ZDHHC4: variants seen among roughly 807,000 people sequenced by gnomAD.
The protein encoded by ZDHHC4 is zDHHC palmitoyltransferase 4.
A neutral mutation model predicts 36.7 loss-of-function variants in ZDHHC4; 42 were observed. The ratio of observed to expected loss-of-function variants is 1.14; its 90% CI spans 0.89 to 1.48. The LOEUF is 1.48. ZDHHC4 is among the 40% of genes most tolerant of loss of function. The pLI is 0.00. For missense variants in ZDHHC4, 457 were observed against 421.5 expected (o/e 1.08, Z -0.74); for synonymous variants, 189 against 166.6 (o/e 1.13, Z -1.03).
At chr7:6,582,781 G>A (rs2115169953) in intron 5 of ZDHHC4, among the ~76,000 whole-genome samples, 1 of 152,178 alleles carries the variant, frequency 6.6e-6, no homozygotes, top group East Asian at 1.9e-4. Context: ...CTCCCAAAGT[G>A]CTGAGACTAC....
chr7:6,584,170 A>G (rs1781063365), intron 6 of ZDHHC4: 1 of 152,240 alleles, frequency 6.6e-6, no homozygotes, highest in South Asian at 2.1e-4. Context: ...TCATTTTAAC[A>G]TGTAATCAAT....
In ZDHHC4 at chr7:6,580,647, G is replaced by C; in HGVS notation, c.86G>C (p.Ser29Thr). 1.2e-6 allele frequency: 2 copies of C among 1,614,158 alleles called. No homozygotes were observed. Among genetic ancestry groups the C allele is most frequent in the Non-Finnish European group, 8.5e-7 (1 of 1,180,022 alleles). ...VLICVCSKTH[S>T]LKGLARGGAQ... Reference sequence around the variant, plus strand: ...ATCTGCGTCTGCTCGAAAACCCATAGCTTGAAAGGCCTGGCCAGGGGAGGA... The same window carrying C: ...ATCTGCGTCTGCTCGAAAACCCATACCTTGAAAGGCCTGGCCAGGGGAGGA... Residue 29 changes from serine (S) to threonine (T), a missense_variant, in exon 3 of 8, where the codon AGC becomes ACC. Transcript: ENST00000335965.
chr7:6,585,292 T>G, intron 7 of ZDHHC4, 32 bp downstream of exon 7: 1 of 1,596,848 alleles, frequency 6.3e-7, no homozygotes, highest in Non-Finnish European at 8.5e-7. Flanking sequence ...GACTTCAAGT[T>G]TCAGAATCGC....
In ZDHHC4 at chr7:6,588,770, C is replaced by T. The variant is rs766138432; in HGVS notation, c.895C>T (p.Gln299Ter). 1 of 1,614,202 alleles carries T rather than the reference C, an allele frequency of 6.2e-7. No homozygotes were observed. Among genetic ancestry groups the T allele is most frequent in the South Asian group, 1.1e-5 (1 of 91,088 alleles). ...GTACAGAGGTGACTGGGCCTGGTGC[C>T]AGCGTTGTCCCCTTGTGGCCTGGCC... ...EWYRGDWAWCQRCPLVAWPPS... is the reference protein window; with the variant it reads ...EWYRGDWAWC Residue 299 changes from glutamine (Q) to a stop codon, truncating the protein, a stop_gained, in exon 8 of 8, where the codon CAG becomes TAG. Coordinates refer to ENST00000335965, the MANE Select transcript of ZDHHC4 (RefSeq NM_001134389.2). LOFTEE classifies it high-confidence loss of function.
rs147807569 is a variant in ZDHHC4 at position 6,588,852 on chromosome 7, A to G, written c.977A>G (p.Asn326Ser). The G allele has an allele frequency of 3.0e-4, 481 of 1,613,014 alleles. No homozygotes were observed. Among genetic ancestry groups the G allele is most frequent in the East Asian group, 4.5e-4 (20 of 44,832 alleles). Residue 326 changes from asparagine (N) to serine (S), a missense_variant, in exon 8 of 8, where the codon AAC (asparagine) becomes AGC (serine). Transcript: ENST00000335965. The stretch of plus-strand genomic sequence containing the variant: ...ATTCACTCCCATGGGCTTCGGAGCA[A>G]CCTTCAAGAGATCTTTCTACCTGCC... Reference protein sequence around the residue: ...RNIHSHGLRSNLQEIFLPAFP... With the variant: ...RNIHSHGLRSSLQEIFLPAFP...
rs915073972 is a variant in ZDHHC4 at position 6,589,012 on chromosome 7, T to C, written c.*102T>C. On this transcript the variant is annotated 3_prime_UTR_variant, in exon 8 of 8. Transcript: ENST00000335965. Reference sequence around the variant, plus strand: ...TTTGTTTTGATTTCTGCTGTGCTTATAAATCACTTTCGGTGGGCAAGGGAG... The same window carrying C: ...TTTGTTTTGATTTCTGCTGTGCTTACAAATCACTTTCGGTGGGCAAGGGAG... 4.9e-5 allele frequency: 70 copies of C among 1,442,046 alleles called. 1 individual carries two copies. The South Asian group carries it at 6.7e-4, about 14-fold the overall frequency. The allele number at this position is 1,442,046 out of a possible 1,614,324, so 89.3% of individuals were successfully genotyped here.
intron 2 of ZDHHC4, among the ~76,000 whole-genome samples, chr7:6,579,855 G>T (rs1780711235): frequency 6.6e-6 from 1 of 152,070 alleles, no homozygotes; most frequent in African/African-American, 2.4e-5. Context: ...TTTTATCTTG[G>T]GCAGGTGCAG....
chr7:6,584,430 A>G (rs1330024864), intron 6 of ZDHHC4: 2 of 152,296 alleles, frequency 1.3e-5, no homozygotes, highest in Admixed American at 6.5e-5. Flanking sequence ...TTCCTTCACC[A>G]TCCATGTCTA....
intron 5 of ZDHHC4, among the ~76,000 whole-genome samples, chr7:6,582,634 C>T (rs1049107898): frequency 1.5e-4 from 23 of 152,126 alleles, no homozygotes; most frequent in Admixed American, 9.2e-4. Flanking sequence ...TCTCTTGCCT[C>T]AGACTCCCGA....
At chr7:6,583,249 G>C in intron 5 of ZDHHC4, 57 bp from the exon 6 acceptor site, 5 of 1,589,236 alleles carry the variant, frequency 3.1e-6, no homozygotes, top group Non-Finnish European at 4.3e-6. Context: ...GACGGGTTTT[G>C]TGACTATCCA....
At chr7:6,580,313 C>T (rs2115155356) in intron 2 of ZDHHC4, among the ~76,000 whole-genome samples, 1 of 152,198 alleles carries the variant, frequency 6.6e-6, no homozygotes, top group African/African-American at 2.4e-5. Context: ...GAATTTTTAT[C>T]TTGATTGAGG....
At chr7:6,580,503 T>G (rs1174740786) in intron 2 of ZDHHC4, 52 bp from the exon 3 acceptor site, 1 of 1,478,242 alleles carries the variant, frequency 6.8e-7, no homozygotes, top group Admixed American at 1.7e-5. Context: ...ATGTGTGCCA[T>G]GGAAGAAACC....
intron 6 of ZDHHC4, chr7:6,584,169 CAT>C (rs748343895): frequency 6.6e-6 from 1 of 152,040 alleles, no homozygotes; most frequent in African/African-American, 2.4e-5. Context: ...ATCATTTTAA[CAT>C]GTAATCAATG....
At chr7:6,579,943 C>G (rs1780719230) in intron 2 of ZDHHC4, among the ~76,000 whole-genome samples, 1 of 151,958 alleles carries the variant, frequency 6.6e-6, no homozygotes, top group Non-Finnish European at 1.5e-5. Context: ...CGAGACCAGC[C>G]TGGCCAACAT....
At chr7:6,581,515 C>A in intron 3 of ZDHHC4, 92 bp from the exon 4 acceptor site, 1 of 936,284 alleles carries the variant, frequency 1.1e-6, no homozygotes, top group East Asian at 2.5e-5. Context: ...TACTATCACC[C>A]AGATTGCCAG....
intron 2 of ZDHHC4, among the ~76,000 whole-genome samples, chr7:6,579,441 C>T (rs1298384133): frequency 2.0e-5 from 3 of 152,074 alleles, no homozygotes; most frequent in Non-Finnish European, 4.4e-5. Context: ...ACCTCGTGAT[C>T]CGCCTGCCTC....
intron 7 of ZDHHC4, 31 bp from the exon 8 acceptor site, chr7:6,588,586 G>T: frequency 6.2e-7 from 1 of 1,606,686 alleles, no homozygotes; most frequent in Non-Finnish European, 8.5e-7. Flanking sequence ...CAGTCCAGCT[G>T]CCTAAAGCAC....
rs563392290 is a variant in ZDHHC4, at chr7:6,583,166, T to A, written c.371-140T>A. On this transcript the variant is annotated intron_variant, in intron 5 of 7. Transcript: ENST00000335965. ...CTGCATTCCAGCCTGGATGACAAAG[T>A]AAGACTGTCTCAAAAAAAAAAAAAG... The A allele has an allele frequency of 1.7e-4, 166 of 960,304 alleles. 2 individuals are homozygous for A. The South Asian group carries it at 2.0e-3, about 12-fold the overall frequency. 59.5% of individuals were successfully genotyped at this position (960,304 alleles called of 1,614,324 possible).
chr7:6,579,856 G>A (rs1780711394), intron 2 of ZDHHC4, among the ~76,000 whole-genome samples: 1 of 152,008 alleles, frequency 6.6e-6, no homozygotes, highest in Admixed American at 6.6e-5. Context: ...TTTATCTTGG[G>A]CAGGTGCAGT....
Sources: allele counts gnomAD v4.1 joint callset (sites outside exome capture counted in the v4.1 genomes callset), GRCh38; gene constraint gnomAD v4.1.1; transcripts MANE v1.5; gene names NCBI Gene and HGNC (gene_info 2026-07-23, HGNC 2026-07-21).